The following FKBP4 variants were observed in gnomAD, a reference collection of about 807,000 sequenced individuals.
The protein encoded by FKBP4 is peptidyl-prolyl cis-trans isomerase FKBP4.
Under a neutral mutation model 54.1 loss-of-function variants are expected in FKBP4, and 28 were observed. The ratio of observed to expected loss-of-function variants is 0.52; its 90% CI spans 0.38 to 0.71. The LOEUF is 0.71. Among genes scored for constraint, FKBP4 ranks in the 30% least tolerant of loss-of-function variants. The probability of loss-of-function intolerance (pLI) is 0.00; values close to 1 mark genes in which losing one functional copy is unlikely to be tolerated. For synonymous variants in FKBP4, 223 were observed against 216.1 expected, an observed-to-expected ratio of 1.03 and a Z score of -0.28; for missense variants, 493 against 574.4, an observed-to-expected ratio of 0.86 and a Z score of 1.45.
In FKBP4 at chr12:2,798,726, G is replaced by C; in HGVS notation, c.414G>C (p.Lys138Asn). The change falls in exon 4 of 10, where the codon AAG becomes AAC. Residue 138 changes from lysine (K) to asparagine (N), a missense_variant. Coordinates refer to ENST00000001008, the MANE Select transcript of FKBP4 (RefSeq NM_002014.4). This position sits in a 1 kb window ranked among gnomAD's most constrained non-coding sequence, Gnocchi z 4.3. ...CACAGGTGGAGTTGTTTGAGTTTAA[G>C]GGAGAAGATCTGACGGAAGAGGAAG... The part of the protein sequence containing the change: ...LVFEVELFEF[K>N]GEDLTEEEDG... The C allele has an allele frequency of 6.2e-7, 1 of 1,613,768 alleles. No homozygotes were observed. The highest frequency in any genetic ancestry group is 8.5e-7 in the Non-Finnish European group (1 of 1,179,956).
In FKBP4 at chr12:2,800,569, TG is replaced by T; in HGVS notation, c.1025del (p.Cys342LeufsTer5). 6.2e-7 allele frequency: 1 copy of T among 1,608,790 alleles called. No homozygotes were observed. Among genetic ancestry groups the T allele is most frequent in the Non-Finnish European group, 8.5e-7 (1 of 1,177,826 alleles). On this transcript the variant is annotated frameshift_variant, in exon 8 of 10. Coordinates refer to ENST00000001008, the MANE Select transcript of FKBP4 (RefSeq NM_002014.4). LOFTEE classifies it high-confidence loss of function. ...LQAFSAAIES[C>X]NKALELDSNN... ...GGCCTTCTCTGCTGCCATTGAAAGC[TG>T]TAACAAGGTGAGGCCCCCTCAGAGG... is the stretch of plus-strand genomic sequence containing the variant.
intron 8 of FKBP4, 62 bp from the exon 9 acceptor site, chr12:2,801,055 T>G: frequency 6.2e-7 from 1 of 1,602,598 alleles, no homozygotes; most frequent in South Asian, 1.1e-5. Flanking sequence ...GAACCCAGTC[T>G]AGGCCAGATG....
Position 2,800,137 on chromosome 12 carries a change from A to G in FKBP4, c.846+15A>G, listed in dbSNP as rs548641957. On this transcript the variant is annotated intron_variant, in intron 7 of 9. Coordinates refer to ENST00000001008, the MANE Select transcript of FKBP4 (RefSeq NM_002014.4). The stretch of plus-strand genomic sequence containing the variant: ...TGTACTTCAAGGTGAGCCAACAGTC[A>G]TTGTCCTAAGGACACTCCCAGGAAG... 1.9e-6 allele frequency: 3 copies of G among 1,611,744 alleles called. No individual in the cohort carries two copies. Among genetic ancestry groups the G allele is most frequent in the East Asian group, 2.2e-5 (1 of 44,872 alleles).
At chr12:2,800,368 G>A (rs566903026) in intron 7 of FKBP4, 24 bp from the exon 8 acceptor site, 38 of 1,594,170 alleles carry the variant, frequency 2.4e-5, no homozygotes, top group African/African-American at 1.6e-4. Flanking sequence ...TGTGCCAGGT[G>A]CCTGAGCCTC....
rs2153918969 is a variant in FKBP4, at chr12:2,795,962, TGCGGGGTGTGGG to T, written c.105+725_105+736del. 3 of 1,056,568 alleles carry T rather than the reference TGCGGGGTGTGGG, an allele frequency of 2.8e-6. No homozygotes were observed. The South Asian group carries it at 8.1e-5, about 28-fold the overall frequency. The allele number at this position is 1,056,568 out of a possible 1,614,324, so 65.4% of individuals were successfully genotyped here. On this transcript the variant is annotated intron_variant, in intron 1 of 9. Transcript: ENST00000001008. The surrounding 1 kb of genome is among the most constrained non-coding windows in gnomAD (Gnocchi z 4.3). Reference sequence around the variant, plus strand: ...CTCCGCCGCCTCCCGGAGCCAGGGCTGCGGGGTGTGGGGCGGGGAGGAGGCGCTCTGCTGTGG... The same window carrying T: ...CTCCGCCGCCTCCCGGAGCCAGGGCTGCGGGGAGGAGGCGCTCTGCTGTGG...
chr12:2,799,497 C>G (rs1292185980), intron 5 of FKBP4, among the ~76,000 whole-genome samples: 3 of 152,206 alleles, frequency 2.0e-5, no homozygotes, highest in Non-Finnish European at 4.4e-5. Context: ...CCCATTAATT[C>G]ATTTCAGTCA....
chr12:2,801,126 C>T lies in FKBP4; in HGVS notation c.1042C>T (p.Leu348=), dbSNP rs767595993. ...AIESCNKALE[L]DSNNEKGLFR... The stretch of plus-strand genomic sequence containing the variant: ...TCTCTGCATTCTTTAGGCCCTAGAA[C>T]TGGACAGCAACAACGAGAAGGGCCT... Residue 348 remains leucine, a synonymous_variant, in exon 9 of 10, where the codon CTG becomes TTG. Coordinates refer to ENST00000001008, the MANE Select transcript of FKBP4 (RefSeq NM_002014.4). The T allele has an allele frequency of 6.2e-7, 1 of 1,613,984 alleles. No homozygotes were observed. The highest frequency in any genetic ancestry group is 1.1e-5 in the South Asian group (1 of 91,072).
Position 2,803,284 on chromosome 12 carries a change from C to G in FKBP4, c.*26C>G. On this transcript the variant is annotated 3_prime_UTR_variant, in exon 10 of 10. Transcript: ENST00000001008. ...CCCCTCTCCACCAGCCCTACTCCTG[C>G]GGCTGCCTGCCCCCCAGTCTCCCCA... is the stretch of plus-strand genomic sequence containing the variant. The G allele has an allele frequency of 6.7e-7, 1 of 1,492,650 alleles. No individual in the cohort carries two copies. Among genetic ancestry groups the G allele is most frequent in the East Asian group, 2.4e-5 (1 of 40,984 alleles). The allele number at this position is 1,492,650 out of a possible 1,614,324, so 92.5% of individuals were successfully genotyped here.
intron 1 of FKBP4, chr12:2,796,808 A>G (rs930402039): frequency 9.1e-7 from 1 of 1,100,448 alleles, no homozygotes; most frequent in Non-Finnish European, 1.1e-6. Context: ...TAATCTTCCA[A>G]CAACTGTAGG....
chr12:2,802,787 G>A (rs558707534), intron 9 of FKBP4, among the ~76,000 whole-genome samples: 11 of 152,298 alleles, frequency 7.2e-5, no homozygotes, highest in African/African-American at 1.4e-4. Context: ...GAGTGCAGTG[G>A]CACAGTCTCA....
chr12:2,805,380 T>C lies in FKBP4; in HGVS notation c.*2122T>C. The C allele has an allele frequency of 3.1e-6, 1 of 325,424 alleles. No individual in the cohort carries two copies. The highest frequency in any genetic ancestry group is 6.0e-6 in the Non-Finnish European group (1 of 165,440). 20.2% of individuals were successfully genotyped at this position (325,424 alleles called of 1,614,324 possible). A position where few individuals can be genotyped will look rare whatever the true frequency, so the allele number is the denominator to read the frequency against. The stretch of plus-strand genomic sequence containing the variant: ...TGGAACATCTAGAGATAAGTCTTAG[T>C]TTATGTAACATTAAAACTGTCTAGT... On this transcript the variant is annotated 3_prime_UTR_variant, in exon 10 of 10. Coordinates refer to ENST00000001008, the MANE Select transcript of FKBP4 (RefSeq NM_002014.4).
chr12:2,799,808 A>T, intron 5 of FKBP4, 42 bp from the exon 6 acceptor site: 1 of 1,529,960 alleles, frequency 6.5e-7, no homozygotes, highest in Non-Finnish European at 9.0e-7. Flanking sequence ...GGAGCAGGTT[A>T]AGTGTTGCCA....
At chr12:2,802,263 G>A (rs1379711196) in intron 9 of FKBP4, among the ~76,000 whole-genome samples, 5 of 151,990 alleles carry the variant, frequency 3.3e-5, no homozygotes, top group Non-Finnish European at 5.9e-5. Context: ...TCGGCCTCCC[G>A]AGTAGCTGGG....
rs1019816462 is a variant in FKBP4, at chr12:2,795,859, C to T, written c.105+615C>T. The T allele has an allele frequency of 6.5e-6, 5 of 764,422 alleles. No homozygotes were observed. The highest frequency in any genetic ancestry group is 8.0e-6 in the Non-Finnish European group (5 of 626,792). The allele number at this position is 764,422 out of a possible 1,614,324, so 47.4% of individuals were successfully genotyped here. A position where few individuals can be genotyped will look rare whatever the true frequency, so the allele number is the denominator to read the frequency against. ...ACGCCGGGACCCAGCGAGGTCCCCA[C>T]TCGCCGCGCGGCGCCCCCTCCCTCG... On this transcript the variant is annotated intron_variant, in intron 1 of 9. Coordinates refer to ENST00000001008, the MANE Select transcript of FKBP4 (RefSeq NM_002014.4). This position sits in a 1 kb window ranked among gnomAD's most constrained non-coding sequence, Gnocchi z 4.3.
intron 9 of FKBP4, 51 bp from the exon 10 acceptor site, chr12:2,803,100 G>A (rs1023608967): frequency 7.9e-7 from 1 of 1,263,328 alleles, no homozygotes; most frequent in Non-Finnish European, 1.1e-6. Context: ...AATTAAGTGT[G>A]TGTTTTTTCA....
Position 2,795,000 on chromosome 12 carries a change from G to A in FKBP4, c.-140G>A, listed in dbSNP as rs948065550. The stretch of plus-strand genomic sequence containing the variant: ...CCCAGCTCTCGCGCCGCGTGCAGAG[G>A]TGCTCAAGCCTCCTCGCGGTCCGCA... On this transcript the variant is annotated 5_prime_UTR_variant, in exon 1 of 10. In the 5' UTR this introduces an upstream ATG that the reference lacks. Coordinates refer to ENST00000001008, the MANE Select transcript of FKBP4 (RefSeq NM_002014.4). 6.9e-5 allele frequency: 26 copies of A among 374,368 alleles called. No individual in the cohort carries two copies. Among genetic ancestry groups the A allele is most frequent in the South Asian group, 1.3e-4 (1 of 7,794 alleles). 23.2% of individuals were successfully genotyped at this position (374,368 alleles called of 1,614,324 possible).
In FKBP4 at chr12:2,796,227, CT is replaced by C. The variant is rs755176477; in HGVS notation, c.106-908del. The C allele has an allele frequency of 3.1e-5, 40 of 1,289,186 alleles. No individual in the cohort carries two copies. In the South Asian group the frequency reaches 4.7e-4, roughly 15 times the overall value. The allele number at this position is 1,289,186 out of a possible 1,614,324, so 79.9% of individuals were successfully genotyped here. On this transcript the variant is annotated intron_variant, in intron 1 of 9. Coordinates refer to ENST00000001008, the MANE Select transcript of FKBP4 (RefSeq NM_002014.4). ...GTGTGCGGCACCCACCTCAGGGGGC[CT>C]TTACCTGGTCCAGAAGTGCATCTGT...
At chr12:2,800,885 C>T (rs2097904365) in intron 8 of FKBP4, among the ~76,000 whole-genome samples, 1 of 152,234 alleles carries the variant, frequency 6.6e-6, no homozygotes. Flanking sequence ...ATGTTAATGT[C>T]TGAAGTCTTT....
chr12:2,796,890 C>T (rs2097902158), intron 1 of FKBP4: 3 of 1,316,126 alleles, frequency 2.3e-6, no homozygotes, highest in Admixed American at 3.5e-5. Flanking sequence ...ACAGCGGAAA[C>T]TTGAACTCAG....
Sources: allele counts gnomAD v4.1 joint callset (sites outside exome capture counted in the v4.1 genomes callset), GRCh38; gene constraint gnomAD v4.1.1; non-coding constraint Gnocchi (gnomAD v3.1); transcripts MANE v1.5; gene names NCBI Gene and HGNC (gene_info 2026-07-23, HGNC 2026-07-21).